Variants in ZCWPW2 observed in about 807,000 individuals in gnomAD.
The protein encoded by ZCWPW2 is zinc finger CW-type and PWWP domain containing 2.
Under a neutral mutation model 46.6 loss-of-function variants are expected in ZCWPW2, and 45 were observed. That is an observed-to-expected ratio of 0.96 (90% CI 0.76 to 1.24). ZCWPW2 has a LOEUF of 1.24. ZCWPW2 is among the 50% of genes most tolerant of loss of function. The probability of loss-of-function intolerance (pLI) is 0.00; values close to 1 mark genes in which losing one functional copy is unlikely to be tolerated. For missense variants in ZCWPW2, 429 were observed against 403.9 expected, an observed-to-expected ratio of 1.06 and a Z score of -0.53; for synonymous variants, 152 against 137.1, an observed-to-expected ratio of 1.11 and a Z score of -0.76.
intron 6 of ZCWPW2, among the ~76,000 whole-genome samples, chr3:28,504,500 A>G (rs1459584356): frequency 6.6e-6 from 1 of 152,204 alleles, no homozygotes; most frequent in Non-Finnish European, 1.5e-5. Flanking sequence ...GAGAAAAATT[A>G]TAAAACAAAT....
intron 5 of ZCWPW2, among the ~76,000 whole-genome samples, chr3:28,485,524 T>C (rs2125810762): frequency 1.3e-5 from 2 of 152,338 alleles, no homozygotes; most frequent in African/African-American, 4.8e-5. Flanking sequence ...TATTTATTTC[T>C]CTCTGCAGTT....
intron 3 of ZCWPW2, among the ~76,000 whole-genome samples, chr3:28,432,811 T>A (rs146937257): frequency 1.9e-3 from 290 of 152,296 alleles, no homozygotes; most frequent in African/African-American, 6.5e-3. Flanking sequence ...ATAGTTACAA[T>A]GTATTATCTG....
intron 4 of ZCWPW2, among the ~76,000 whole-genome samples, chr3:28,470,188 A>C (rs947580180): frequency 6.6e-6 from 1 of 152,208 alleles, no homozygotes; most frequent in African/African-American, 2.4e-5. Context: ...CAGTGGTTCA[A>C]TGCAGAAATT....
chr3:28,496,538 T>C (rs993263114), intron 6 of ZCWPW2, among the ~76,000 whole-genome samples: 1 of 152,006 alleles, frequency 6.6e-6, no homozygotes, highest in African/African-American at 2.4e-5. Context: ...TTTTCTTAGT[T>C]CCTATTAAAA....
chr3:28,432,928 T>A (rs1697326619), intron 3 of ZCWPW2, among the ~76,000 whole-genome samples: 1 of 152,172 alleles, frequency 6.6e-6, no homozygotes, highest in Non-Finnish European at 1.5e-5. Context: ...ACAGTAGCAA[T>A]CCTTATTGAT....
intron 1 of ZCWPW2, among the ~76,000 whole-genome samples, chr3:28,354,674 C>T (rs1329128469): frequency 1.3e-4 from 12 of 90,860 alleles, no homozygotes; most frequent in Middle Eastern, 3.8e-3. Context: ...TGGGCTTCAT[C>T]CCTAGGATGC....
chr3:28,379,339 G>A (rs1559479990), intron 1 of ZCWPW2, among the ~76,000 whole-genome samples: 1 of 151,992 alleles, frequency 6.6e-6, no homozygotes, highest in Admixed American at 6.6e-5. Flanking sequence ...ATCACTGAGG[G>A]GATGCAAGAG....
intron 1 of ZCWPW2, among the ~76,000 whole-genome samples, chr3:28,358,444 A>G (rs1704821887): frequency 6.6e-6 from 1 of 152,174 alleles, no homozygotes; most frequent in Non-Finnish European, 1.5e-5. Flanking sequence ...CATTGATATT[A>G]TAAAAATAAT....
intron 4 of ZCWPW2, among the ~76,000 whole-genome samples, chr3:28,473,615 G>C (rs184278000): frequency 6.6e-6 from 1 of 152,312 alleles, no homozygotes; most frequent in Non-Finnish European, 1.5e-5. Flanking sequence ...CAGTGGCCAA[G>C]ATTTGGAAGC....
intron 6 of ZCWPW2, among the ~76,000 whole-genome samples, chr3:28,508,340 T>G (rs895062100): frequency 1.3e-5 from 2 of 152,046 alleles, no homozygotes; most frequent in Admixed American, 1.3e-4. Flanking sequence ...GTCAAGACAA[T>G]TATATTTTCT....
chr3:28,437,402 G>A (rs1260345104), intron 4 of ZCWPW2, among the ~76,000 whole-genome samples: 1 of 152,120 alleles, frequency 6.6e-6, no homozygotes, highest in East Asian at 1.9e-4. Flanking sequence ...ATATGTGAAG[G>A]TGGTATAGAC....
At chr3:28,474,620 T>TGTGTGCGC (rs777191108) in intron 4 of ZCWPW2, among the ~76,000 whole-genome samples, 60 of 121,694 alleles carry the variant, frequency 4.9e-4, no homozygotes, top group African/African-American at 1.2e-3. Context: ...TGTGTGTGTG[T>TGTGTGCGC]GCGCGCGCGC....
At chr3:28,399,884 C>CA (rs1292305776) in intron 2 of ZCWPW2, among the ~76,000 whole-genome samples, 3 of 152,052 alleles carry the variant, frequency 2.0e-5, no homozygotes, top group South Asian at 2.1e-4. Flanking sequence ...TTAACACCCC[C>CA]AAAAAATCAC....
chr3:28,453,905 C>T lies in ZCWPW2; in HGVS notation c.492+18636C>T, dbSNP rs1447304122. Reference sequence around the variant, plus strand: ...TGTCGCCCAGGCTGGAGTGCAGTGGCGCGATCTCGGCTCACTGCAAGCTCC... The same window carrying T: ...TGTCGCCCAGGCTGGAGTGCAGTGGTGCGATCTCGGCTCACTGCAAGCTCC... On this transcript the variant is annotated intron_variant, in intron 4 of 9. Transcript: ENST00000383768. 6.0e-5 allele frequency among the ~76,000 whole-genome samples: 9 copies of T among 149,818 alleles called. 1 individual carries two copies. The highest frequency in any genetic ancestry group is 1.2e-4 in the African/African-American group (5 of 40,924).
At chr3:28,491,205 G>C (rs1252814396) in intron 5 of ZCWPW2, among the ~76,000 whole-genome samples, 1 of 152,072 alleles carries the variant, frequency 6.6e-6, no homozygotes, top group Non-Finnish European at 1.5e-5. Context: ...GAGAAAGGGT[G>C]TTCCAGAAAG....
intron 6 of ZCWPW2, among the ~76,000 whole-genome samples, chr3:28,506,413 C>T (rs1700280231): frequency 6.6e-6 from 1 of 151,818 alleles, no homozygotes; most frequent in Non-Finnish European, 1.5e-5. Flanking sequence ...TAATTCTGGC[C>T]GTTACTCTGA....
chr3:28,447,649 T>A (rs996042812), intron 4 of ZCWPW2: 2 of 349,236 alleles, frequency 5.7e-6, no homozygotes, highest in Non-Finnish European at 1.1e-5. Flanking sequence ...CTGAAAGTTC[T>A]AGCCAGAGCA....
chr3:28,348,918 G>C lies in ZCWPW2; in HGVS notation c.-419G>C. 1.0e-6 allele frequency: 1 copy of C among 981,390 alleles called. No homozygotes were observed. 60.8% of individuals were successfully genotyped at this position (981,390 alleles called of 1,614,324 possible). On this transcript the variant is annotated 5_prime_UTR_variant, in exon 1 of 10. Transcript: ENST00000383768. Reference sequence around the variant, plus strand: ...AGACCCAGGCCCGCCGTCGGGACCAGCACGGGCCGGAGGGAGGGGAAGCAC... The same window carrying C: ...AGACCCAGGCCCGCCGTCGGGACCACCACGGGCCGGAGGGAGGGGAAGCAC...
At chr3:28,451,178 A>G (rs1698210421) in intron 4 of ZCWPW2, among the ~76,000 whole-genome samples, 1 of 152,182 alleles carries the variant, frequency 6.6e-6, no homozygotes, top group South Asian at 2.1e-4. Context: ...AGAGGCCACT[A>G]ATGTTTATAT....
Sources: allele counts gnomAD v4.1 joint callset (sites outside exome capture counted in the v4.1 genomes callset), GRCh38; gene constraint gnomAD v4.1.1; transcripts MANE v1.5; gene names NCBI Gene and HGNC (gene_info 2026-07-23, HGNC 2026-07-21).